PKHD1L1: variants seen among roughly 807,000 people sequenced by gnomAD.
PKHD1L1 encodes PKHD1 like 1, also known as fibrocystin-L.
In PKHD1L1, 434 loss-of-function variants were observed where a neutral mutation model predicts 462.9. The ratio of observed to expected loss-of-function variants is 0.94; its 90% CI spans 0.87 to 1.02. PKHD1L1 has a LOEUF of 1.02. PKHD1L1 is among the 50% of genes least tolerant of loss of function. The pLI is 0.00. For missense variants in PKHD1L1, 5,202 were observed against 5,096.1 expected (o/e 1.02, Z -0.63); for synonymous variants, 1,781 against 1,750.0 (o/e 1.02, Z -0.44).
In PKHD1L1 at chr8:109,523,386, G is replaced by C; in HGVS notation, c.12484G>C (p.Gly4162Arg). 6.2e-7 allele frequency: 1 copy of C among 1,608,770 alleles called. No individual in the cohort carries two copies. The highest frequency in any genetic ancestry group is 8.5e-7 in the Non-Finnish European group (1 of 1,176,974). ...NYTDLTPLRT[G>R]KNYKIEFILD... is the part of the protein sequence containing the mutation. ...CACAGACCTTACTCCCCTTAGAACAGGTGGGTGCACTATTTTGGATCCTCA... is the reference window on the plus strand; with the variant it reads ...CACAGACCTTACTCCCCTTAGAACACGTGGGTGCACTATTTTGGATCCTCA... The change falls in exon 76 of 78, where the codon GGA becomes CGA. Residue 4162 changes from glycine to arginine, a missense_variant and splice_region_variant. Around this residue, in one of 3 missense-constraint regions of PKHD1L1, gnomAD observed 698 missense variants for 736.3 expected, o/e 0.95. Transcript: ENST00000378402.
At chr8:109,457,812 A>G (rs766072511) in intron 46 of PKHD1L1, among the ~76,000 whole-genome samples, 2 of 152,208 alleles carry the variant, frequency 1.3e-5, no homozygotes, top group Non-Finnish European at 2.9e-5. Context: ...GCTTTTCACA[A>G]CTTCTTTTCT....
Position 109,430,022 on chromosome 8 carries a change from A to T in PKHD1L1, c.3214A>T (p.Ile1072Leu), listed in dbSNP as rs375067075. The T allele has an allele frequency of 6.8e-6, 11 of 1,606,754 alleles. No individual in the cohort carries two copies. Among genetic ancestry groups the T allele is most frequent in the Non-Finnish European group, 6.8e-6 (8 of 1,177,480 alleles). The change falls in exon 27 of 78, where the codon ATA becomes TTA. Residue 1072 changes from isoleucine (I) to leucine (L), a missense_variant. This residue lies in a region of PKHD1L1 where 4,497 missense variants were observed against 4,336.8 expected (regional missense o/e 1.04). Coordinates refer to ENST00000378402, the MANE Select transcript of PKHD1L1 (RefSeq NM_177531.6). ...CAACATTACTCCCCTAGTCTTGGCG[A>T]TAAGCCCTTCTCAAGGTAACTTCCT... is the stretch of plus-strand genomic sequence containing the variant. ...DSNITPLVLA[I>L]SPSQGSYEEG...
chr8:109,443,856 TAAC>T lies in PKHD1L1; in HGVS notation c.4748_4750del (p.Thr1583del), dbSNP rs1815960192. On this transcript the variant is annotated inframe_deletion, in exon 37 of 78. Coordinates refer to ENST00000378402, the MANE Select transcript of PKHD1L1 (RefSeq NM_177531.6). ...TCCACTGGAACAGTAAATGAACTAA[TAAC>T]AATTATTGGACATGGCTTTAGTAAT... 1 of 1,613,678 alleles carries T rather than the reference TAAC, an allele frequency of 6.2e-7. No individual in the cohort carries two copies. Among genetic ancestry groups the T allele is most frequent in the Admixed American group, 1.7e-5 (1 of 59,998 alleles).
At position 109,445,358 on chromosome 8, in the gene PKHD1L1, G is replaced by GC; in HGVS notation, c.5495dup (p.Val1833SerfsTer36). On this transcript the variant is annotated frameshift_variant, in exon 38 of 78. Coordinates refer to ENST00000378402, the MANE Select transcript of PKHD1L1 (RefSeq NM_177531.6). LOFTEE classifies it high-confidence loss of function. The stretch of plus-strand genomic sequence containing the variant: ...GCTCTGGGAAACCTGACTGTCAGCA[G>GC]CCCCCCAGTAGCATCTCTATCACCA... 1.2e-6 allele frequency: 2 copies of GC among 1,613,914 alleles called. No individual in the cohort carries two copies. Among genetic ancestry groups the GC allele is most frequent in the Non-Finnish European group, 1.7e-6 (2 of 1,179,878 alleles).
At chr8:109,512,760 G>A (rs1274627402) in intron 71 of PKHD1L1, among the ~76,000 whole-genome samples, 1 of 151,996 alleles carries the variant, frequency 6.6e-6, no homozygotes, top group Non-Finnish European at 1.5e-5. Flanking sequence ...GATGGGGATG[G>A]CATTGAATCT....
chr8:109,384,799 T>C (rs910825491), intron 5 of PKHD1L1, among the ~76,000 whole-genome samples: 4 of 152,144 alleles, frequency 2.6e-5, no homozygotes, highest in Non-Finnish European at 5.9e-5. Context: ...CTTTAATTTA[T>C]GTAATTAAAC....
intron 9 of PKHD1L1, among the ~76,000 whole-genome samples, chr8:109,393,970 G>A (rs1382511894): frequency 1.3e-5 from 2 of 151,786 alleles, no homozygotes; most frequent in East Asian, 3.9e-4. Flanking sequence ...TTAAGGGATC[G>A]AGACCATCCT....
intron 38 of PKHD1L1, among the ~76,000 whole-genome samples, chr8:109,446,433 TAAA>T (rs1816145417): frequency 6.6e-6 from 1 of 152,200 alleles, no homozygotes; most frequent in Admixed American, 6.5e-5. Context: ...ATTATAAAGT[TAAA>T]GAAGTTTATT....
intron 67 of PKHD1L1, chr8:109,499,056 C>A: frequency 2.9e-6 from 1 of 346,298 alleles, no homozygotes; most frequent in Non-Finnish European, 5.2e-6. Context: ...TTGTAAATGC[C>A]CTTTCATGTA....
In PKHD1L1 at chr8:109,504,311, A is replaced by G. The variant is rs1412932875; in HGVS notation, c.10829-16A>G. 1 of 1,365,896 alleles carries G rather than the reference A, an allele frequency of 7.3e-7. No individual in the cohort carries two copies. Among genetic ancestry groups the G allele is most frequent in the African/African-American group, 1.5e-5 (1 of 66,376 alleles). The allele number at this position is 1,365,896 out of a possible 1,614,324, so 84.6% of individuals were successfully genotyped here. Reference sequence around the variant, plus strand: ...CTTTAGAGAAAATAATCACTTATCTATTATTTATGTTTTAGGTTCAACATT... The same window carrying G: ...CTTTAGAGAAAATAATCACTTATCTGTTATTTATGTTTTAGGTTCAACATT... On this transcript the variant is annotated splice_polypyrimidine_tract_variant and intron_variant, in intron 67 of 77. Coordinates refer to ENST00000378402, the MANE Select transcript of PKHD1L1 (RefSeq NM_177531.6).
At chr8:109,489,133 A>AT in intron 59 of PKHD1L1, among the ~76,000 whole-genome samples, 1 of 151,982 alleles carries the variant, frequency 6.6e-6, no homozygotes, top group Non-Finnish European at 1.5e-5. Context: ...GTATAGAAGA[A>AT]TTGCCTCATG....
intron 30 of PKHD1L1, 126 bp from the exon 31 acceptor site, chr8:109,438,198 A>G: frequency 1.4e-6 from 1 of 693,662 alleles, no homozygotes. Flanking sequence ...ATGAAAACTG[A>G]CTCTGATCTT....
chr8:109,406,807 C>T (rs1586446171), intron 17 of PKHD1L1, among the ~76,000 whole-genome samples: 4 of 152,076 alleles, frequency 2.6e-5, no homozygotes, highest in East Asian at 1.9e-4. Flanking sequence ...CTGGTCAAAT[C>T]TTGCCTACTG....
At chr8:109,514,751 C>T (rs1461392662) in intron 71 of PKHD1L1, among the ~76,000 whole-genome samples, 1 of 152,048 alleles carries the variant, frequency 6.6e-6, no homozygotes, top group African/African-American at 2.4e-5. Flanking sequence ...TATTAGTCTT[C>T]CTACCAAATT....
At position 109,429,420 on chromosome 8, in the gene PKHD1L1, T is replaced by C. The variant is rs774865005; in HGVS notation, c.3081T>C (p.His1027=). The stretch of plus-strand genomic sequence containing the variant: ...AGGAAGGTGGCTTATTCAGACAACA[T>C]GTACTTGGAGACCTACTTCGTACAC... ...RIKEGGLFRQ[H]VLGDLLRTPS... Residue 1027 remains histidine, a synonymous_variant, in exon 26 of 78, where the codon CAT becomes CAC. Coordinates refer to ENST00000378402, the MANE Select transcript of PKHD1L1 (RefSeq NM_177531.6). 1.8e-5 allele frequency: 29 copies of C among 1,607,070 alleles called. No individual in the cohort carries two copies. The highest frequency in any genetic ancestry group is 2.2e-5 in the East Asian group (1 of 44,696).
chr8:109,517,762 G>A lies in PKHD1L1; in HGVS notation c.11690-405G>A, dbSNP rs191058533. Among the ~76,000 whole-genome samples, 339 of 152,196 alleles carry A rather than the reference G, an allele frequency of 2.2e-3. 1 individual carries two copies. The highest frequency in any genetic ancestry group is 3.8e-3 in the Non-Finnish European group (260 of 67,984). ...CTTTTAAGAGTTGGCATATAGCACT[G>A]TATAAATTAGATAGCTAGTAAAGTT... On this transcript the variant is annotated intron_variant, in intron 72 of 77. Transcript: ENST00000378402.
intron 34 of PKHD1L1, among the ~76,000 whole-genome samples, chr8:109,441,802 A>G (rs1815808637): frequency 6.6e-6 from 1 of 151,248 alleles, no homozygotes; most frequent in Non-Finnish European, 1.5e-5. Flanking sequence ...CAGTTTTGTG[A>G]CTTAATTTTT....
At chr8:109,458,197 T>C (rs1816923839) in intron 46 of PKHD1L1, among the ~76,000 whole-genome samples, 1 of 152,200 alleles carries the variant, frequency 6.6e-6, no homozygotes, top group South Asian at 2.1e-4. Flanking sequence ...TTCACAAATC[T>C]TTTTCAGTGA....
chr8:109,374,993 C>T (rs1032490603), intron 2 of PKHD1L1, among the ~76,000 whole-genome samples: 1 of 152,130 alleles, frequency 6.6e-6, no homozygotes. Context: ...AGTTGCTCTT[C>T]TTGAGGAGTA....
Sources: allele counts gnomAD v4.1 joint callset (sites outside exome capture counted in the v4.1 genomes callset), GRCh38; gene constraint gnomAD v4.1.1; regional missense constraint gnomAD v4.1.1; transcripts MANE v1.5; gene names NCBI Gene and HGNC (gene_info 2026-07-23, HGNC 2026-07-21).